Variants in SLFN5 observed in about 807,000 individuals in gnomAD.
SLFN5 encodes the protein schlafen family member 5.
Under a neutral mutation model 48.5 loss-of-function variants are expected in SLFN5, and 34 were observed. The observed-to-expected ratio is 0.70, with a 90% CI of 0.53 to 0.93. SLFN5 has a LOEUF of 0.93. SLFN5 is among the 40% of genes least tolerant of loss of function. SLFN5 has a pLI of 0.00. For missense variants in SLFN5, 1,006 were observed against 1,071.3 expected (o/e 0.94, Z 0.85); for synonymous variants, 387 against 396.2 (o/e 0.98, Z 0.28).
rs1045948360 is a variant in SLFN5, at chr17:35,271,730, A to C, written c.*5842A>C. 2 of 152,184 alleles carry C rather than the reference A, an allele frequency of 1.3e-5. No individual in the cohort carries two copies. Among genetic ancestry groups the C allele is most frequent in the African/African-American group, 4.8e-5 (2 of 41,456 alleles). The allele number at this position is 152,184 out of a possible 1,614,324, so 9.4% of individuals were successfully genotyped here. ...GGTTTTCCCCAATAGCATTGAAATG[A>C]TTTTAAAATTTAATGAAGGCCAAGC... On this transcript the variant is annotated 3_prime_UTR_variant, in exon 5 of 5. Transcript: ENST00000299977.
intron 1 of SLFN5, among the ~76,000 whole-genome samples, chr17:35,255,016 C>CA (rs934287851): frequency 1.3e-5 from 2 of 151,804 alleles, no homozygotes; most frequent in South Asian, 2.1e-4. Flanking sequence ...GGCTCTGTCT[C>CA]AAAAAAATCA....
At position 35,260,906 on chromosome 17, in the gene SLFN5, A is replaced by G. The variant is rs200771914; in HGVS notation, c.1013-65A>G. ...AAGACTAGGTGAAAGACTTTGTAGC[A>G]CAGCTCAGCTATAAGTTGGGGTCTG... is the stretch of plus-strand genomic sequence containing the variant. On this transcript the variant is annotated intron_variant, in intron 2 of 4. Transcript: ENST00000299977. 211 of 1,591,968 alleles carry G rather than the reference A, an allele frequency of 1.3e-4. 1 individual carries two copies. Among genetic ancestry groups the G allele is most frequent in the Non-Finnish European group, 1.7e-4 (196 of 1,168,262 alleles).
intron 1 of SLFN5, among the ~76,000 whole-genome samples, chr17:35,251,563 G>A (rs1185270113): frequency 6.6e-6 from 1 of 151,438 alleles, no homozygotes; most frequent in African/African-American, 2.4e-5. Context: ...CCGCCACCAC[G>A]CCAGGTTAAT....
intron 1 of SLFN5, among the ~76,000 whole-genome samples, chr17:35,250,380 C>T (rs2092439497): frequency 6.6e-6 from 1 of 152,200 alleles, no homozygotes; most frequent in Non-Finnish European, 1.5e-5. Context: ...TAAAAGATGG[C>T]TGGGCGCGGT....
chr17:35,254,492 G>A (rs1448452153), intron 1 of SLFN5, among the ~76,000 whole-genome samples: 1 of 152,220 alleles, frequency 6.6e-6, no homozygotes, highest in East Asian at 1.9e-4. Flanking sequence ...CAAAGACAGT[G>A]TCCAGAGAGC....
In SLFN5 at chr17:35,264,250, A is replaced by C; in HGVS notation, c.1206A>C (p.Gly402=). The part of the protein sequence containing the change: ...LYKELFSQHK[G]LRDLINTEMR... ...AGGAACTCTTCTCACAACATAAAGGACTCAGAGACTTAATAAATACAGAAA... is the reference window on the plus strand; with the variant it reads ...AGGAACTCTTCTCACAACATAAAGGCCTCAGAGACTTAATAAATACAGAAA... Residue 402 remains glycine (G), a synonymous_variant, in exon 4 of 5, where the codon GGA becomes GGC. Coordinates refer to ENST00000299977, the MANE Select transcript of SLFN5 (RefSeq NM_144975.4). 2 of 1,614,070 alleles carry C rather than the reference A, an allele frequency of 1.2e-6. No homozygotes were observed. The highest frequency in any genetic ancestry group is 1.7e-6 in the Non-Finnish European group (2 of 1,180,024).
chr17:35,269,893 T>C lies in SLFN5; in HGVS notation c.*4005T>C, dbSNP rs1042465118. On this transcript the variant is annotated 3_prime_UTR_variant, in exon 5 of 5. Coordinates refer to ENST00000299977, the MANE Select transcript of SLFN5 (RefSeq NM_144975.4). ...AAGTTAGGGAGTGGGGAAGTCTGAG[T>C]GCTAATATGGATTTCAAAACAACTT... 6.6e-6 allele frequency: 1 copy of C among 152,170 alleles called. No homozygotes were observed. Among genetic ancestry groups the C allele is most frequent in the Admixed American group, 6.5e-5 (1 of 15,270 alleles). The allele number at this position is 152,170 out of a possible 1,614,324, so 9.4% of individuals were successfully genotyped here. A position where few individuals can be genotyped will look rare whatever the true frequency, so the allele number is the denominator to read the frequency against.
intron 3 of SLFN5, among the ~76,000 whole-genome samples, chr17:35,261,306 A>T (rs986471796): frequency 2.6e-5 from 4 of 152,194 alleles, no homozygotes; most frequent in African/African-American, 7.2e-5. Context: ...ACACAAAAGG[A>T]TCAAACTTAA....
In SLFN5 at chr17:35,265,141, C is replaced by G. The variant is rs901048812; in HGVS notation, c.1929C>G (p.Ile643Met). The part of the protein sequence containing the change: ...KTFMKNNFEH[I>M]QHIIIDDAQN... ...TCATGAAAAACAACTTTGAACACATCCAGCACATTATCATTGATGACGCTC... is the reference window on the plus strand; with the variant it reads ...TCATGAAAAACAACTTTGAACACATGCAGCACATTATCATTGATGACGCTC... Residue 643 changes from isoleucine to methionine, a missense_variant, in exon 5 of 5, where the codon ATC becomes ATG. Ile to Met is a conservative substitution (Grantham distance 10). Transcript: ENST00000299977. 3.1e-6 allele frequency: 5 copies of G among 1,614,082 alleles called. No individual in the cohort carries two copies. The Admixed American group carries it at 5.0e-5, about 16-fold the overall frequency.
rs374235105 is a variant in SLFN5, at chr17:35,273,610, T to C, written c.*7722T>C. 1.3e-4 allele frequency: 19 copies of C among 150,578 alleles called. 1 individual carries two copies. Among genetic ancestry groups the C allele is most frequent in the African/African-American group, 4.6e-4 (19 of 41,334 alleles). The allele number at this position is 150,578 out of a possible 1,614,324, so 9.3% of individuals were successfully genotyped here. On this transcript the variant is annotated 3_prime_UTR_variant, in exon 5 of 5. Transcript: ENST00000299977. Reference sequence around the variant, plus strand: ...TAAGTGTTAACATTTTTATATTTGCTTCAAGCTTTTTTTTTAAATAAAAGA... The same window carrying C: ...TAAGTGTTAACATTTTTATATTTGCCTCAAGCTTTTTTTTTAAATAAAAGA...
Position 35,266,169 on chromosome 17 carries a change from T to TGC in SLFN5, c.*282_*283insCG, listed in dbSNP as rs1202157560. 7.1e-5 allele frequency: 20 copies of TGC among 280,472 alleles called. No homozygotes were observed. The highest frequency in any genetic ancestry group is 4.9e-4 in the African/African-American group (20 of 41,210). 17.4% of individuals were successfully genotyped at this position (280,472 alleles called of 1,614,324 possible). ...GTGTGTGTGTGTGTGTGTGTGTGTG[T>TGC]GTGTGTGTGCGCGCGCGCACGTGCA... is the stretch of plus-strand genomic sequence containing the variant. On this transcript the variant is annotated 3_prime_UTR_variant, in exon 5 of 5. Transcript: ENST00000299977.
chr17:35,244,470 G>A (rs995593971), intron 1 of SLFN5, among the ~76,000 whole-genome samples: 3 of 152,130 alleles, frequency 2.0e-5, no homozygotes, highest in Admixed American at 6.6e-5. Flanking sequence ...AGTTTGTCTG[G>A]CCTCGCCCTA....
At chr17:35,254,899 C>T (rs1389670319) in intron 1 of SLFN5, among the ~76,000 whole-genome samples, 2 of 152,124 alleles carry the variant, frequency 1.3e-5, no homozygotes, top group Non-Finnish European at 2.9e-5. Flanking sequence ...TGCCTGTAGT[C>T]CCAGCTACTC....
In SLFN5 at chr17:35,272,887, T is replaced by G. The variant is rs1290881929; in HGVS notation, c.*6999T>G. ...TGCTGTAAATTGGTACATCTTCTAC[T>G]GAGAACAATCCGGCAGTAGTTAACA... On this transcript the variant is annotated 3_prime_UTR_variant, in exon 5 of 5. Transcript: ENST00000299977. 1.3e-5 allele frequency: 2 copies of G among 152,232 alleles called. No individual in the cohort carries two copies. Among genetic ancestry groups the G allele is most frequent in the Non-Finnish European group, 2.9e-5 (2 of 68,030 alleles). The allele number at this position is 152,232 out of a possible 1,614,324, so 9.4% of individuals were successfully genotyped here.
chr17:35,265,395 A>T lies in SLFN5; in HGVS notation c.2183A>T (p.Glu728Val). The change falls in exon 5 of 5, where the codon GAA becomes GTA. Residue 728 changes from glutamate to valine, a missense_variant. By Grantham distance (121) the Glu-to-Val change is moderately radical. Coordinates refer to ENST00000299977, the MANE Select transcript of SLFN5 (RefSeq NM_144975.4). ...AATTACCTACAACAAGTAATGCAGGAAGCCCGACAAAATCCTCCACCTAAC... is the reference window on the plus strand; with the variant it reads ...AATTACCTACAACAAGTAATGCAGGTAGCCCGACAAAATCCTCCACCTAAC... ...IANYLQQVMQEARQNPPPNLP... is the reference protein window; with the variant it reads ...IANYLQQVMQVARQNPPPNLP... The T allele has an allele frequency of 6.2e-7, 1 of 1,614,230 alleles. No individual in the cohort carries two copies. Among genetic ancestry groups the T allele is most frequent in the Non-Finnish European group, 8.5e-7 (1 of 1,180,046 alleles).
chr17:35,271,614 C>T lies in SLFN5; in HGVS notation c.*5726C>T, dbSNP rs951445840. On this transcript the variant is annotated 3_prime_UTR_variant, in exon 5 of 5. Coordinates refer to ENST00000299977, the MANE Select transcript of SLFN5 (RefSeq NM_144975.4). Reference sequence around the variant, plus strand: ...ACTTAAACAGATAAAAAGCAGACCACGTTTTTGGATAAGAAGATTAAAAAT... The same window carrying T: ...ACTTAAACAGATAAAAAGCAGACCATGTTTTTGGATAAGAAGATTAAAAAT... 4 of 152,136 alleles carry T rather than the reference C, an allele frequency of 2.6e-5. No individual in the cohort carries two copies. The highest frequency in any genetic ancestry group is 5.9e-5 in the Non-Finnish European group (4 of 68,024). The allele number at this position is 152,136 out of a possible 1,614,324, so 9.4% of individuals were successfully genotyped here.
At chr17:35,263,593 C>G (rs1472053226) in intron 3 of SLFN5, among the ~76,000 whole-genome samples, 2 of 151,804 alleles carry the variant, frequency 1.3e-5, no homozygotes, top group Non-Finnish European at 2.9e-5. Context: ...GAGGCCCAGG[C>G]GGGCAGATCA....
chr17:35,250,283 C>T (rs1225371165), intron 1 of SLFN5, among the ~76,000 whole-genome samples: 1 of 152,088 alleles, frequency 6.6e-6, no homozygotes, highest in Non-Finnish European at 1.5e-5. Flanking sequence ...CTGCCTTTGC[C>T]TTGGGAAGGA....
At position 35,264,199 on chromosome 17, in the gene SLFN5, G is replaced by C. The variant is rs1176362756; in HGVS notation, c.1155G>C (p.Val385=). The C allele has an allele frequency of 1.9e-6, 3 of 1,608,420 alleles. No homozygotes were observed. The highest frequency in any genetic ancestry group is 2.2e-5 in the East Asian group (1 of 44,866). ...CCTGTCTAGTATTTTCAGACAGAGT[G>C]GTATATACTCCAGAAAGCCTCTACA... ...KRYFPVFSDR[V]VYTPESLYKE... is the part of the protein sequence containing the mutation. Residue 385 remains valine (V), a synonymous_variant, in exon 4 of 5, where the codon GTG becomes GTC. Coordinates refer to ENST00000299977, the MANE Select transcript of SLFN5 (RefSeq NM_144975.4).
Sources: allele counts gnomAD v4.1 joint callset (sites outside exome capture counted in the v4.1 genomes callset), GRCh38; gene constraint gnomAD v4.1.1; transcripts MANE v1.5; gene names NCBI Gene and HGNC (gene_info 2026-07-23, HGNC 2026-07-21).